HMGCLL1: variants seen among roughly 807,000 people sequenced by gnomAD.
The protein encoded by HMGCLL1 is 3-hydroxymethyl-3-methylglutaryl-CoA lyase, cytoplasmic.
HMGCLL1 carries 36 observed loss-of-function variants against 39.1 expected under a neutral mutation model. The ratio of observed to expected loss-of-function variants is 0.92; its 90% confidence interval spans 0.71 to 1.22. The LOEUF is 1.22. Among genes scored for constraint, HMGCLL1 ranks in the 50% most tolerant of loss-of-function variants. The pLI, the probability that HMGCLL1 is intolerant of heterozygous loss-of-function variation, is 0.00. For synonymous variants in HMGCLL1, 149 were observed against 144.0 expected (o/e 1.03, Z -0.25); for missense variants, 451 against 416.5 (o/e 1.08, Z -0.72).
At chr6:55,545,845 A>T (rs1769935549) in intron 1 of HMGCLL1, among the ~76,000 whole-genome samples, 1 of 152,156 alleles carries the variant, frequency 6.6e-6, no homozygotes, top group Admixed American at 6.6e-5. Flanking sequence ...GAGACTAAAG[A>T]TCAGTAAGAG....
At chr6:55,553,196 C>CATAT (rs1561958357) in intron 1 of HMGCLL1, among the ~76,000 whole-genome samples, 92 of 137,280 alleles carry the variant, frequency 6.7e-4, no homozygotes, top group African/African-American at 2.6e-3. Context: ...CACACACACA[C>CATAT]ACACACATAC....
intron 3 of HMGCLL1, among the ~76,000 whole-genome samples, chr6:55,520,443 A>G (rs1485565167): frequency 6.6e-6 from 1 of 151,900 alleles, no homozygotes; most frequent in East Asian, 1.9e-4. Context: ...TCACAATATA[A>G]TGAGGCCATT....
At chr6:55,545,465 T>C (rs530651201) in intron 1 of HMGCLL1, among the ~76,000 whole-genome samples, 1 of 152,252 alleles carries the variant, frequency 6.6e-6, no homozygotes, top group East Asian at 1.9e-4. Flanking sequence ...TACTATTTAG[T>C]CTTTCTAGAC....
Position 55,493,165 on chromosome 6 carries a change from A to T in HMGCLL1, c.795+2254T>A, listed in dbSNP as rs1766401625. ...TACTAACCCATAAGTATTTGAAAAT[A>T]ACTCATCTGCTTAGGTCTTTCCAGT... On this transcript the variant is annotated intron_variant, in intron 7 of 8. Transcript: ENST00000274901. Among the ~76,000 whole-genome samples the T allele has an allele frequency of 2.0e-5, 3 of 152,206 alleles. No homozygotes were observed. The South Asian group carries it at 6.2e-4, about 32-fold the overall frequency.
intron 1 of HMGCLL1, among the ~76,000 whole-genome samples, chr6:55,543,605 C>A (rs1430012518): frequency 7.4e-6 from 1 of 134,572 alleles, no homozygotes; most frequent in Non-Finnish European, 1.5e-5. Context: ...TATTTTTTTG[C>A]CAGCACTTTG....
intron 3 of HMGCLL1, among the ~76,000 whole-genome samples, chr6:55,520,097 A>AG: frequency 4.0e-5 from 1 of 24,862 alleles, no homozygotes; most frequent in African/African-American, 1.8e-4. Context: ...GGGGCCTGTC[A>AG]GGGGGTGGGG....
intron 1 of HMGCLL1, among the ~76,000 whole-genome samples, chr6:55,554,947 C>T (rs1054808933): frequency 1.3e-5 from 2 of 152,166 alleles, no homozygotes; most frequent in East Asian, 3.8e-4. Flanking sequence ...ACTGCAAGAA[C>T]ATTATAAGCA....
the HMGCLL1 span, among the ~76,000 whole-genome samples, chr6:55,632,331 T>C: frequency 2.0e-5 from 3 of 151,684 alleles, no homozygotes; most frequent in Non-Finnish European, 2.9e-5. Flanking sequence ...ATAATACAGC[T>C]ACTCATAATA....
intron 1 of HMGCLL1, among the ~76,000 whole-genome samples, chr6:55,573,972 A>G (rs909939469): frequency 6.6e-6 from 1 of 152,096 alleles, no homozygotes; most frequent in African/African-American, 2.4e-5. Context: ...CAAAAATAAG[A>G]CAAATCGCTG....
chr6:55,449,447 C>T (rs12215967), intron 7 of HMGCLL1, among the ~76,000 whole-genome samples: 18,687 of 152,256 alleles, frequency 0.12, 1,383 homozygotes, highest in Admixed American at 0.17. Flanking sequence ...AGACAACACA[C>T]TCATTTACCA....
At chr6:55,627,389 G>T in the HMGCLL1 span, among the ~76,000 whole-genome samples, 6 of 152,042 alleles carry the variant, frequency 3.9e-5, no homozygotes, top group Admixed American at 2.0e-4. Flanking sequence ...TGGTTGTACG[G>T]AGGATAGTTG....
At chr6:55,644,248 G>T in the HMGCLL1 span, among the ~76,000 whole-genome samples, 4 of 151,890 alleles carry the variant, frequency 2.6e-5, no homozygotes, top group Non-Finnish European at 5.9e-5. Context: ...ACAGTTGTTA[G>T]ATTTTTTCCT....
chr6:55,520,073 G>A (rs2127440730), intron 3 of HMGCLL1, among the ~76,000 whole-genome samples: 1 of 111,956 alleles, frequency 8.9e-6, no homozygotes. Context: ...ACAGGGAGGG[G>A]AACATCACAC....
chr6:55,449,025 AAAAAG>A (rs1473324650), intron 7 of HMGCLL1, among the ~76,000 whole-genome samples: 3 of 152,230 alleles, frequency 2.0e-5, no homozygotes, highest in Non-Finnish European at 4.4e-5. Flanking sequence ...TTAAAAATGC[AAAAAG>A]GTAGCACCTA....
chr6:55,596,581 A>T, the HMGCLL1 span, among the ~76,000 whole-genome samples: 3 of 152,224 alleles, frequency 2.0e-5, no homozygotes, highest in Non-Finnish European at 2.9e-5. Context: ...TCCTGAGGAG[A>T]GGACTCAGTT....
the HMGCLL1 span, among the ~76,000 whole-genome samples, chr6:55,591,244 C>A: frequency 1.1e-4 from 17 of 152,020 alleles, no homozygotes; most frequent in East Asian, 1.2e-3. Context: ...TCAATCTTGT[C>A]CTAAATATGA....
At chr6:55,503,838 G>A (rs1214183416) in intron 5 of HMGCLL1, among the ~76,000 whole-genome samples, 1 of 151,656 alleles carries the variant, frequency 6.6e-6, no homozygotes, top group African/African-American at 2.4e-5. Flanking sequence ...CCAAAGGTTA[G>A]CTGATTCTTC....
At chr6:55,674,243 A>G in the HMGCLL1 span, among the ~76,000 whole-genome samples, 7 of 151,942 alleles carry the variant, frequency 4.6e-5, no homozygotes, top group Non-Finnish European at 8.8e-5. Context: ...AGGAAAAGTA[A>G]GTTAGTTTTA....
intron 5 of HMGCLL1, among the ~76,000 whole-genome samples, chr6:55,511,322 A>G (rs9296789): frequency 0.68 from 103,342 of 151,412 alleles, 35,253 homozygotes; most frequent in Non-Finnish European, 0.7. Context: ...TTGGCATGGT[A>G]TCTCTTCACA....
Sources: allele counts gnomAD v4.1 joint callset (sites outside exome capture counted in the v4.1 genomes callset), GRCh38; gene constraint gnomAD v4.1.1; transcripts MANE v1.5; gene names NCBI Gene and HGNC (gene_info 2026-07-23, HGNC 2026-07-21).